The following EPYC variants were observed in gnomAD, a reference collection of about 807,000 sequenced individuals.
EPYC encodes the protein dermatan sulfate proteoglycan 3.
EPYC carries 28 observed loss-of-function variants against 30.1 expected under a neutral mutation model. That is an observed-to-expected ratio of 0.93 (90% CI 0.69 to 1.28). The LOEUF (loss-of-function observed/expected upper bound fraction) is 1.28. Ranked by LOEUF, EPYC falls within the 50% of genes most tolerant of loss-of-function variation. The probability of loss-of-function intolerance (pLI) is 0.00; values close to 1 mark genes in which losing one functional copy is unlikely to be tolerated. For synonymous variants in EPYC, 144 were observed against 141.4 expected (o/e 1.02, Z -0.13); for missense variants, 382 against 383.5 (o/e 1.00, Z 0.03).
At chr12:90,990,742 G>C (rs934474609) in intron 2 of EPYC, among the ~76,000 whole-genome samples, 4 of 152,042 alleles carry the variant, frequency 2.6e-5, no homozygotes, top group Admixed American at 6.6e-5. Flanking sequence ...CTTTTCCAAG[G>C]GATCGAACTC....
At chr12:90,991,142 A>G (rs189755941) in intron 2 of EPYC, among the ~76,000 whole-genome samples, 1 of 152,290 alleles carries the variant, frequency 6.6e-6, no homozygotes, top group Admixed American at 6.5e-5. Context: ...AATGGAGTAT[A>G]TAATATATAT....
At position 90,974,029 on chromosome 12, in the gene EPYC, T is replaced by TACAC. The variant is rs200299078; in HGVS notation, c.341-1053_341-1050dup. Among the ~76,000 whole-genome samples, 766 of 81,106 alleles carry TACAC rather than the reference T, an allele frequency of 9.4e-3. 7 individuals carry two copies. The highest frequency in any genetic ancestry group is 0.026 in the African/African-American group (619 of 23,886). 53.2% of individuals were successfully genotyped at this position (81,106 alleles called of 152,430 possible). A position where few individuals can be genotyped will look rare whatever the true frequency, so the allele number is the denominator to read the frequency against. On this transcript the variant is annotated intron_variant, in intron 3 of 6. Coordinates refer to ENST00000261172, the MANE Select transcript of EPYC (RefSeq NM_004950.5). Reference sequence around the variant, plus strand: ...ACATACTGATTTTTCTTTTCTGTCTTACACACACTCACACACACACACACA... The same window carrying TACAC: ...ACATACTGATTTTTCTTTTCTGTCTTACACACACACACTCACACACACACACACA...
At chr12:90,988,140 T>G (rs1415680579) in intron 2 of EPYC, among the ~76,000 whole-genome samples, 1 of 152,088 alleles carries the variant, frequency 6.6e-6, no homozygotes, top group African/African-American at 2.4e-5. Context: ...CAAGGCATAT[T>G]TTAGTGTAGA....
At chr12:90,989,484 C>T (rs1333268940) in intron 2 of EPYC, among the ~76,000 whole-genome samples, 3 of 151,844 alleles carry the variant, frequency 2.0e-5, no homozygotes, top group Non-Finnish European at 2.9e-5. Flanking sequence ...TATTGACTTG[C>T]TAGGATATCA....
At chr12:90,972,706 G>T in intron 4 of EPYC, 116 bp downstream of exon 4, 1 of 910,398 alleles carries the variant, frequency 1.1e-6, no homozygotes, top group Non-Finnish European at 1.6e-6. Flanking sequence ...AAAAACTATT[G>T]ATTCATGAAC....
intron 2 of EPYC, among the ~76,000 whole-genome samples, chr12:90,993,667 T>G (rs2120857996): frequency 1.3e-5 from 2 of 151,848 alleles, no homozygotes; most frequent in Middle Eastern, 6.8e-3. Flanking sequence ...AAGTTTGTAT[T>G]TGTCACCTCA....
chr12:90,998,167 C>A (rs1440880198), intron 2 of EPYC, among the ~76,000 whole-genome samples: 1 of 151,972 alleles, frequency 6.6e-6, no homozygotes, highest in East Asian at 1.9e-4. Flanking sequence ...ATGACTAGAA[C>A]AGTACCTAGC....
At chr12:90,998,045 T>C (rs1264058071) in intron 2 of EPYC, among the ~76,000 whole-genome samples, 2 of 152,052 alleles carry the variant, frequency 1.3e-5, no homozygotes, top group Non-Finnish European at 2.9e-5. Flanking sequence ...TTAATCTTAG[T>C]CAAGTTACTT....
chr12:90,965,764 A>C (rs975229286), intron 6 of EPYC, among the ~76,000 whole-genome samples: 1 of 152,072 alleles, frequency 6.6e-6, no homozygotes, highest in African/African-American at 2.4e-5. Context: ...TGATTCATGA[A>C]TATGGAATTA....
chr12:90,999,981 A>G (rs1239934367), intron 2 of EPYC, among the ~76,000 whole-genome samples: 1 of 151,994 alleles, frequency 6.6e-6, no homozygotes, highest in East Asian at 1.9e-4. Flanking sequence ...TACTAGGTCT[A>G]CCCTATAAAT....
chr12:91,001,045 A>T, intron 2 of EPYC, among the ~76,000 whole-genome samples: 1 of 152,092 alleles, frequency 6.6e-6, no homozygotes, highest in East Asian at 1.9e-4. Context: ...AAATGTGCAG[A>T]AGAAAAATAA....
chr12:90,972,799 G>A (rs1393983629), intron 4 of EPYC, 23 bp downstream of exon 4: 3 of 1,606,360 alleles, frequency 1.9e-6, no homozygotes, highest in East Asian at 4.5e-5. Flanking sequence ...AGCGGTGAAG[G>A]CCGTTAATGC....
chr12:90,989,137 C>A (rs1047440669), intron 2 of EPYC, among the ~76,000 whole-genome samples: 1 of 151,922 alleles, frequency 6.6e-6, no homozygotes, highest in African/African-American at 2.4e-5. Flanking sequence ...AGTTTTCATA[C>A]TTGTCAATTT....
At chr12:90,985,517 A>G (rs1877427952) in intron 2 of EPYC, among the ~76,000 whole-genome samples, 1 of 152,146 alleles carries the variant, frequency 6.6e-6, no homozygotes, top group South Asian at 2.1e-4. Context: ...GAAAAGGAAA[A>G]GCGATATCAG....
chr12:90,971,605 C>T (rs796197780), intron 5 of EPYC, among the ~76,000 whole-genome samples, 195 bp downstream of exon 5: 83 of 151,356 alleles, frequency 5.5e-4, no homozygotes, highest in African/African-American at 1.9e-3. Flanking sequence ...CCAGGGAGGT[C>T]GAAGCTGCAG....
chr12:90,969,534 A>C (rs1876982161), intron 6 of EPYC, among the ~76,000 whole-genome samples: 1 of 151,618 alleles, frequency 6.6e-6, no homozygotes, highest in African/African-American at 2.4e-5. Context: ...AAAAAAAAAA[A>C]AACCTGCACT....
chr12:90,971,761 T>C, intron 5 of EPYC, 39 bp downstream of exon 5: 2 of 1,217,024 alleles, frequency 1.6e-6, no homozygotes, highest in South Asian at 2.1e-5. Flanking sequence ...GCAAATAAAA[T>C]TGGAAGATAA....
At chr12:90,985,401 G>T (rs1247649124) in intron 2 of EPYC, among the ~76,000 whole-genome samples, 2 of 152,126 alleles carry the variant, frequency 1.3e-5, no homozygotes, top group East Asian at 3.9e-4. Context: ...CCACAGATAT[G>T]AGGAGAAAGC....
intron 2 of EPYC, among the ~76,000 whole-genome samples, chr12:91,001,133 G>A (rs776036774): frequency 6.6e-6 from 1 of 151,940 alleles, no homozygotes; most frequent in African/African-American, 2.4e-5. Flanking sequence ...AAGAGGGTGA[G>A]GGTGAAAGTA....
Sources: gnomAD v4.1 joint callset for allele counts (sites outside exome capture counted in the v4.1 genomes callset) on GRCh38, gnomAD v4.1.1 for gene constraint, MANE v1.5 for transcripts, NCBI Gene and HGNC (gene_info 2026-07-23, HGNC 2026-07-21) for gene names.